Variants in VPS13A observed in about 807,000 individuals in gnomAD.
VPS13A encodes intermembrane lipid transfer protein VPS13A.
VPS13A carries 264 observed loss-of-function variants against 390.9 expected under a neutral mutation model. That is an observed-to-expected ratio of 0.68 (90% confidence interval 0.61 to 0.75). The LOEUF (loss-of-function observed/expected upper bound fraction) is 0.75. VPS13A is among the 30% of genes least tolerant of loss of function. The pLI is 0.00. For synonymous variants in VPS13A, 1,231 were observed against 1,227.1 expected (o/e 1.00, Z -0.07); for missense variants, 3,409 against 3,733.9 (o/e 0.91, Z 2.27).
intron 23 of VPS13A, among the ~76,000 whole-genome samples, chr9:77,272,370 A>G (rs1281857157): frequency 6.6e-6 from 1 of 152,322 alleles, no homozygotes; most frequent in East Asian, 1.9e-4. Context: ...AGTTTTATCC[A>G]CAAGCACCTA....
At chr9:77,265,148 A>G (rs983877361) in intron 23 of VPS13A, among the ~76,000 whole-genome samples, 1 of 152,190 alleles carries the variant, frequency 6.6e-6, no homozygotes, top group African/African-American at 2.4e-5. Flanking sequence ...GATGAAGCCA[A>G]CTTGATTGTG....
In VPS13A at chr9:77,418,181, C is replaced by CGT. The variant is rs2131678617; in HGVS notation, c.*2175_*2176insGT. The CGT allele has an allele frequency of 6.6e-6, 1 of 152,310 alleles. No individual in the cohort carries two copies. Among genetic ancestry groups the CGT allele is most frequent in the African/African-American group, 2.4e-5 (1 of 41,578 alleles). 9.4% of individuals were successfully genotyped at this position (152,310 alleles called of 1,614,324 possible). A position where few individuals can be genotyped will look rare whatever the true frequency, so the allele number is the denominator to read the frequency against. On this transcript the variant is annotated 3_prime_UTR_variant, in exon 72 of 72. Transcript: ENST00000360280. The stretch of plus-strand genomic sequence containing the variant: ...TTTGAAAACCATCTGCCCTAAATTA[C>CGT]ATTTAACTACAAGAAATGGCTCTCT...
chr9:77,406,476 G>A (rs1409246731), intron 70 of VPS13A, among the ~76,000 whole-genome samples: 1 of 152,028 alleles, frequency 6.6e-6, no homozygotes, highest in Non-Finnish European at 1.5e-5. Flanking sequence ...CTGGAGTGCA[G>A]TGGCGCTCTT....
At chr9:77,189,597 G>A (rs1294027156) in intron 1 of VPS13A, among the ~76,000 whole-genome samples, 3 of 151,986 alleles carry the variant, frequency 2.0e-5, no homozygotes, top group African/African-American at 7.2e-5. Context: ...ACTTTTTTGG[G>A]CCAGTATGAA....
In VPS13A at chr9:77,382,102, A is replaced by T; in HGVS notation, c.9189+15A>T. The T allele has an allele frequency of 1.3e-6, 2 of 1,581,392 alleles. No homozygotes were observed. The highest frequency in any genetic ancestry group is 1.7e-6 in the Non-Finnish European group (2 of 1,154,762). On this transcript the variant is annotated intron_variant, in intron 68 of 71. Transcript: ENST00000360280. ...AAATGTTACAGGTAAATTAAGAGCTATCTTATAAATTAAGATTAATTTAGT... is the reference window on the plus strand; with the variant it reads ...AAATGTTACAGGTAAATTAAGAGCTTTCTTATAAATTAAGATTAATTTAGT...
At chr9:77,401,328 GTT>G (rs1491416813) in intron 68 of VPS13A, among the ~76,000 whole-genome samples, 14 of 95,226 alleles carry the variant, frequency 1.5e-4, no homozygotes, top group Middle Eastern at 5.5e-3. Flanking sequence ...ATCACATGAA[GTT>G]GTGTGTGTGT....
At chr9:77,202,610 G>T (rs898689982) in intron 3 of VPS13A, among the ~76,000 whole-genome samples, 2 of 152,096 alleles carry the variant, frequency 1.3e-5, no homozygotes, top group Non-Finnish European at 2.9e-5. Context: ...TTTACCAAAG[G>T]TCATTGAATT....
chr9:77,385,798 A>G (rs1196185339), intron 68 of VPS13A, among the ~76,000 whole-genome samples: 1 of 152,062 alleles, frequency 6.6e-6, no homozygotes, highest in African/African-American at 2.4e-5. Context: ...CTGATTCAGC[A>G]CATGATTTCT....
At chr9:77,275,470 G>A (rs911878773) in intron 24 of VPS13A, 28 bp from the exon 25 acceptor site, 1 of 1,601,888 alleles carries the variant, frequency 6.2e-7, no homozygotes, top group Non-Finnish European at 8.5e-7. Context: ...TTTAATTATT[G>A]ACTTAAATAA....
chr9:77,298,621 A>T (rs1297850715), intron 33 of VPS13A, among the ~76,000 whole-genome samples: 3 of 152,090 alleles, frequency 2.0e-5, no homozygotes, highest in Non-Finnish European at 4.4e-5. Flanking sequence ...AGCAAGTGTG[A>T]CCGAAGGTAG....
At position 77,226,491 on chromosome 9, in the gene VPS13A, A is replaced by G; in HGVS notation, c.1250A>G (p.Tyr417Cys). The change falls in exon 15 of 72, where the codon TAC becomes TGC. Residue 417 changes from tyrosine to cysteine, a missense_variant. Physicochemically the swap from Tyr to Cys is radical, Grantham distance 194. Coordinates refer to ENST00000360280, the MANE Select transcript of VPS13A (RefSeq NM_033305.3). ...GTAAAGAAAGCTGGATACAAAATTT[A>G]CAAAGAAGGAGTAAAAGATCCAGAG... ...VEVKKAGYKI[Y>C]KEGVKDPEDN... is the part of the protein sequence containing the mutation. 1 of 1,611,816 alleles carries G rather than the reference A, an allele frequency of 6.2e-7. No homozygotes were observed. The highest frequency in any genetic ancestry group is 1.1e-5 in the South Asian group (1 of 91,016).
chr9:77,247,283 A>C lies in VPS13A; in HGVS notation c.1925A>C (p.Gln642Pro). 1 of 1,601,882 alleles carries C rather than the reference A, an allele frequency of 6.2e-7. No individual in the cohort carries two copies. The change falls in exon 20 of 72, where the codon CAG (glutamine) becomes CCG (proline). Residue 642 changes from glutamine to proline, a missense_variant. Gln to Pro is a moderately conservative substitution (Grantham distance 76, BLOSUM62 -1). Transcript: ENST00000360280. ...ATGLLYIIET[Q>P]KVLDLKINLK... is the part of the protein sequence containing the mutation. The stretch of plus-strand genomic sequence containing the variant: ...GGTCTACTGTATATTATTGAAACAC[A>C]GAAAGTTCTTGATCTCAAAATTAAT...
intron 68 of VPS13A, among the ~76,000 whole-genome samples, chr9:77,402,513 G>A (rs1006693659): frequency 6.6e-6 from 1 of 152,132 alleles, no homozygotes; most frequent in African/African-American, 2.4e-5. Flanking sequence ...AAAACAGTAG[G>A]CTAGCCTGCT....
chr9:77,310,122 C>G (rs1033453157), intron 35 of VPS13A, among the ~76,000 whole-genome samples: 9 of 152,048 alleles, frequency 5.9e-5, no homozygotes, highest in Non-Finnish European at 1.3e-4. Context: ...ACTCAGTTTT[C>G]TTAGACTTCT....
intron 50 of VPS13A, among the ~76,000 whole-genome samples, chr9:77,343,416 C>T (rs763592283): frequency 6.6e-6 from 1 of 152,222 alleles, no homozygotes; most frequent in Non-Finnish European, 1.5e-5. Context: ...GATCAGGTAT[C>T]ACACATGAGC....
chr9:77,193,811 G>T (rs992725235), intron 1 of VPS13A, among the ~76,000 whole-genome samples: 2 of 151,992 alleles, frequency 1.3e-5, no homozygotes, highest in South Asian at 4.1e-4. Flanking sequence ...GAGGCTTTTT[G>T]CTTTTATATT....
chr9:77,266,033 C>T (rs1418844287), intron 23 of VPS13A, among the ~76,000 whole-genome samples: 1 of 152,172 alleles, frequency 6.6e-6, no homozygotes, highest in Non-Finnish European at 1.5e-5. Flanking sequence ...TTACTTCTGC[C>T]TTAATTTCAT....
chr9:77,249,506 T>TA (rs1302536511), intron 20 of VPS13A, among the ~76,000 whole-genome samples: 3 of 152,224 alleles, frequency 2.0e-5, no homozygotes, highest in African/African-American at 4.8e-5. Context: ...GAAAAAAAGT[T>TA]AAAAAATGTA....
intron 19 of VPS13A, among the ~76,000 whole-genome samples, chr9:77,239,935 T>G (rs1410014042): frequency 6.6e-6 from 1 of 152,008 alleles, no homozygotes; most frequent in Non-Finnish European, 1.5e-5. Context: ...AATTTTATAT[T>G]CTCCTAGTCA....
Sources: gnomAD v4.1 joint callset for allele counts (sites outside exome capture counted in the v4.1 genomes callset) on GRCh38, gnomAD v4.1.1 for gene constraint, MANE v1.5 for transcripts, NCBI Gene and HGNC (gene_info 2026-07-23, HGNC 2026-07-21) for gene names.